The following TRAK1 variants were observed in gnomAD, a reference collection of about 807,000 sequenced individuals.
The protein encoded by TRAK1 is trafficking kinesin protein 1, also known as trafficking kinesin-binding protein 1.
A neutral mutation model predicts 92.1 loss-of-function variants in TRAK1; 33 were observed. The observed-to-expected ratio is 0.36, with a 90% CI of 0.27 to 0.48. TRAK1 has a LOEUF of 0.48. TRAK1 is among the 20% of genes least tolerant of loss of function. The probability of loss-of-function intolerance (pLI) is 0.99; values close to 1 mark genes in which losing one functional copy is unlikely to be tolerated. For missense variants in TRAK1, 1,123 were observed against 1,257.9 expected, an observed-to-expected ratio of 0.89 and a Z score of 1.62; for synonymous variants, 521 against 517.3, an observed-to-expected ratio of 1.01 and a Z score of -0.10.
chr3:42,115,039 A>G (rs1356275962), intron 1 of TRAK1, among the ~76,000 whole-genome samples: 3 of 152,214 alleles, frequency 2.0e-5, no homozygotes, highest in Non-Finnish European at 4.4e-5. Context: ...AGAAGTTACC[A>G]AGACTATTGG....
chr3:42,157,681 T>C (rs1442931210), intron 2 of TRAK1, among the ~76,000 whole-genome samples: 2 of 151,982 alleles, frequency 1.3e-5, no homozygotes, highest in Non-Finnish European at 2.9e-5. Flanking sequence ...GTTCAAAAAA[T>C]CTGTTTTGAA....
At chr3:42,204,961 A>T (rs1708159963) in intron 13 of TRAK1, among the ~76,000 whole-genome samples, 1 of 152,110 alleles carries the variant, frequency 6.6e-6, no homozygotes, top group Non-Finnish European at 1.5e-5. Context: ...CATGTTTAAT[A>T]TGATAAGATG....
chr3:42,211,403 T>C (rs1464191545), intron 14 of TRAK1: 1 of 985,282 alleles, frequency 1.0e-6, no homozygotes, highest in Non-Finnish European at 1.2e-6. Context: ...TAGATTAAGC[T>C]TGTGAGGGAA....
At chr3:42,074,420 A>G (rs907925699) in intron 1 of TRAK1, among the ~76,000 whole-genome samples, 2 of 152,306 alleles carry the variant, frequency 1.3e-5, no homozygotes, top group Admixed American at 1.3e-4. Flanking sequence ...AAATGGCAAG[A>G]AAAAGAATTG....
intron 10 of TRAK1, among the ~76,000 whole-genome samples, chr3:42,196,141 T>A (rs891476766): frequency 6.6e-6 from 1 of 152,246 alleles, no homozygotes; most frequent in South Asian, 2.1e-4. Context: ...AAAGTTTTTG[T>A]TTGCCTTTTT....
intron 14 of TRAK1, chr3:42,218,441 A>AGGGTG: frequency 2.3e-5 from 2 of 87,190 alleles, no homozygotes; most frequent in Non-Finnish European, 2.9e-5. Flanking sequence ...ACAGGGGCAG[A>AGGGTG]GGGTGGGGTG....
rs1383446833 is a variant in TRAK1 at position 42,189,218 on chromosome 3, A to G, written c.690+94A>G. 3.3e-6 allele frequency: 3 copies of G among 901,106 alleles called. No individual in the cohort carries two copies. The East Asian group carries it at 7.4e-5, about 22-fold the overall frequency. The allele number at this position is 901,106 out of a possible 1,614,324, so 55.8% of individuals were successfully genotyped here. On this transcript the variant is annotated intron_variant, in intron 6 of 15. Transcript: ENST00000327628. Reference sequence around the variant, plus strand: ...ACAACCATGGTTAAGTGCCCTCCTCAAAGCTGGCAGTCTGTGAAGAGCTGT... The same window carrying G: ...ACAACCATGGTTAAGTGCCCTCCTCGAAGCTGGCAGTCTGTGAAGAGCTGT...
intron 1 of TRAK1, among the ~76,000 whole-genome samples, chr3:42,118,552 G>T (rs1272168027): frequency 6.6e-6 from 1 of 152,238 alleles, no homozygotes; most frequent in East Asian, 1.9e-4. Flanking sequence ...AGACGGAGGA[G>T]TCTCCTCCTA....
At chr3:42,178,868 G>A (rs1703589597) in intron 3 of TRAK1, among the ~76,000 whole-genome samples, 1 of 151,956 alleles carries the variant, frequency 6.6e-6, no homozygotes, top group African/African-American at 2.4e-5. Context: ...CCAGCTACTC[G>A]GGAGGCTGAG....
intron 1 of TRAK1, among the ~76,000 whole-genome samples, chr3:42,109,653 G>A (rs957568472): frequency 3.3e-5 from 5 of 152,104 alleles, no homozygotes; most frequent in African/African-American, 7.2e-5. Flanking sequence ...TCATGCACAC[G>A]TATGTTTATT....
intron 1 of TRAK1, among the ~76,000 whole-genome samples, chr3:42,092,769 T>TTATATTATGG (rs1210210872): frequency 6.6e-6 from 1 of 151,964 alleles, no homozygotes; most frequent in African/African-American, 2.4e-5. Flanking sequence ...TTATGTTATG[T>TTATATTATGG]TATTTCGTGA....
At chr3:42,159,754 CCCTT>C (rs1209814547) in intron 2 of TRAK1, among the ~76,000 whole-genome samples, 1 of 152,144 alleles carries the variant, frequency 6.6e-6, no homozygotes, top group Non-Finnish European at 1.5e-5. Context: ...TTAGAATGAT[CCCTT>C]CCTTCCTCTG....
At chr3:42,203,611 T>C (rs1356198982) in intron 13 of TRAK1, 1 of 984,992 alleles carries the variant, frequency 1.0e-6, no homozygotes, top group African/African-American at 1.8e-5. Context: ...TCCTTTAGTT[T>C]GGAAAGCCAT....
upstream of TRAK1, among the ~76,000 whole-genome samples, chr3:42,013,412 C>T (rs1156337382): frequency 1.3e-5 from 2 of 152,140 alleles, no homozygotes; most frequent in African/African-American, 4.8e-5. This position sits in a 1 kb window ranked among gnomAD's most constrained non-coding sequence, Gnocchi z 5.1. Flanking sequence ...TTTTCCGGAT[C>T]CAGGTCTTTA....
chr3:42,113,978 G>A (rs1413345249), intron 1 of TRAK1, among the ~76,000 whole-genome samples: 6 of 151,998 alleles, frequency 3.9e-5, no homozygotes, highest in Non-Finnish European at 7.4e-5. Flanking sequence ...ATTAGCAGTC[G>A]CTCCACATTG....
intron 1 of TRAK1, among the ~76,000 whole-genome samples, chr3:42,094,139 A>T (rs573836986): frequency 1.3e-5 from 2 of 152,286 alleles, no homozygotes; most frequent in East Asian, 1.9e-4. Context: ...GGGCCTCGGC[A>T]CCTTCCTGCT....
chr3:42,196,996 T>TCA (rs1414110437), intron 10 of TRAK1, among the ~76,000 whole-genome samples: 5 of 92,724 alleles, frequency 5.4e-5, no homozygotes, highest in African/African-American at 1.8e-4. Context: ...TCTCTCTCTC[T>TCA]CTCTCTCACA....
At chr3:42,219,344 C>T in intron 14 of TRAK1, 150 bp from the exon 15 acceptor site, 1 of 1,532,582 alleles carries the variant, frequency 6.5e-7, no homozygotes. Flanking sequence ...CGCCTTCAAT[C>T]CAGAACATTT....
intron 1 of TRAK1, among the ~76,000 whole-genome samples, chr3:42,094,756 G>A (rs1056251693): frequency 6.6e-6 from 1 of 152,204 alleles, no homozygotes; most frequent in African/African-American, 2.4e-5. Context: ...AGAGCCAATA[G>A]GAGAAACATA....
Sources: allele counts gnomAD v4.1 joint callset (sites outside exome capture counted in the v4.1 genomes callset), GRCh38; gene constraint gnomAD v4.1.1; non-coding constraint Gnocchi (gnomAD v3.1); transcripts MANE v1.5; gene names NCBI Gene and HGNC (gene_info 2026-07-23, HGNC 2026-07-21).